AGBL4: variants seen among roughly 807,000 people sequenced by gnomAD.
AGBL4 encodes the protein AGBL carboxypeptidase 4, also known as cytosolic carboxypeptidase 6.
In AGBL4, 58 loss-of-function variants were observed where a neutral mutation model predicts 66.4. The ratio of observed to expected loss-of-function variants is 0.87; its 90% CI spans 0.71 to 1.09. The LOEUF is 1.09. Among genes scored for constraint, AGBL4 ranks in the 50% least tolerant of loss-of-function variants. The pLI is 0.00. For synonymous variants in AGBL4, 234 were observed against 222.9 expected, an observed-to-expected ratio of 1.05 and a Z score of -0.44; for missense variants, 579 against 631.0, an observed-to-expected ratio of 0.92 and a Z score of 0.88.
rs76447072 is a variant in AGBL4, at chr1:48,725,261, A to C, written c.635-62020T>G. The stretch of plus-strand genomic sequence containing the variant: ...ATGACTTTAACTGATATTTTTCGAA[A>C]GTGACATCTGTGTTAAAATACACAT... On this transcript the variant is annotated intron_variant, in intron 6 of 13. Transcript: ENST00000371839. Among the ~76,000 whole-genome samples the C allele has an allele frequency of 4.9e-3, 742 of 152,274 alleles. 8 individuals carry two copies. Among genetic ancestry groups the C allele is most frequent in the African/African-American group, 0.016 (680 of 41,544 alleles).
At chr1:49,371,857 GT>G (rs1644353362) in intron 3 of AGBL4, among the ~76,000 whole-genome samples, 1 of 146,904 alleles carries the variant, frequency 6.8e-6, no homozygotes, top group Non-Finnish European at 1.5e-5. Context: ...GTGTGTGTGT[GT>G]GTGTGTGTGT....
chr1:49,232,532 A>C (rs1356138519), intron 4 of AGBL4, among the ~76,000 whole-genome samples: 3 of 151,988 alleles, frequency 2.0e-5, no homozygotes, highest in Non-Finnish European at 4.4e-5. Context: ...CCCTGTCTCT[A>C]CTAAAAATAC....
chr1:48,879,643 G>A (rs1306570150), intron 5 of AGBL4, among the ~76,000 whole-genome samples: 2 of 152,076 alleles, frequency 1.3e-5, no homozygotes, highest in Non-Finnish European at 2.9e-5. Context: ...AAATTTTAGT[G>A]AACATCTACT....
At chr1:49,720,090 A>C (rs1188992088) in intron 2 of AGBL4, among the ~76,000 whole-genome samples, 2 of 152,100 alleles carry the variant, frequency 1.3e-5, no homozygotes, top group African/African-American at 4.8e-5. Context: ...ACACTCTCTA[A>C]GACTAAAACT....
chr1:49,482,816 T>C (rs996891481), intron 3 of AGBL4, among the ~76,000 whole-genome samples: 2 of 152,128 alleles, frequency 1.3e-5, no homozygotes, highest in Non-Finnish European at 2.9e-5. Flanking sequence ...TTGTGGTATG[T>C]TGTATCTTTG....
intron 5 of AGBL4, among the ~76,000 whole-genome samples, chr1:49,007,953 G>T (rs1253192627): frequency 1.3e-5 from 2 of 151,880 alleles, no homozygotes; most frequent in Admixed American, 6.6e-5. Context: ...TCAAGACTAG[G>T]AAGAAACTGC....
chr1:49,906,887 C>A (rs1479039772), intron 1 of AGBL4, among the ~76,000 whole-genome samples: 1 of 151,988 alleles, frequency 6.6e-6, no homozygotes, highest in African/African-American at 2.4e-5. Context: ...AAATTCTGGT[C>A]TTGGAATTTC....
At chr1:49,552,656 G>A (rs1022015311) in intron 3 of AGBL4, among the ~76,000 whole-genome samples, 2 of 152,210 alleles carry the variant, frequency 1.3e-5, no homozygotes, top group Non-Finnish European at 2.9e-5. Context: ...TATTTGGGGT[G>A]TCTTCTGGGT....
At chr1:49,270,060 T>C (rs1570290811) in intron 3 of AGBL4, among the ~76,000 whole-genome samples, 2 of 152,198 alleles carry the variant, frequency 1.3e-5, no homozygotes, top group African/African-American at 4.8e-5. Flanking sequence ...AAAAAATCAC[T>C]GTCTCTTTTT....
chr1:50,001,684 G>A (rs1660769387), intron 1 of AGBL4, among the ~76,000 whole-genome samples: 1 of 152,146 alleles, frequency 6.6e-6, no homozygotes, highest in African/African-American at 2.4e-5. Context: ...TTTGTCCCCT[G>A]CTAAAGGTGG....
rs1647092184 is a variant in AGBL4, at chr1:49,190,292, A to G, written c.377+55478T>C. On this transcript the variant is annotated intron_variant, in intron 4 of 13. Transcript: ENST00000371839. ...AAATGCAGGTCTCACAAAATAATCTATAGCTCCCTTGTCTCCTCAGGGCCT... is the reference window on the plus strand; with the variant it reads ...AAATGCAGGTCTCACAAAATAATCTGTAGCTCCCTTGTCTCCTCAGGGCCT... Among the ~76,000 whole-genome samples, 3 of 152,176 alleles carry G rather than the reference A, an allele frequency of 2.0e-5. No homozygotes were observed. The South Asian group carries it at 6.2e-4, about 32-fold the overall frequency.
intron 6 of AGBL4, among the ~76,000 whole-genome samples, chr1:48,792,019 C>A (rs898922309): frequency 6.6e-6 from 1 of 152,168 alleles, no homozygotes; most frequent in Non-Finnish European, 1.5e-5. Context: ...TCCTAACCCC[C>A]AGAATTTGTT....
chr1:48,543,010 T>C (rs1644099427), intron 11 of AGBL4, among the ~76,000 whole-genome samples: 1 of 152,184 alleles, frequency 6.6e-6, no homozygotes, highest in Non-Finnish European at 1.5e-5. Flanking sequence ...TCAGAGAAGA[T>C]AAGGGATTTC....
intron 6 of AGBL4, among the ~76,000 whole-genome samples, chr1:48,692,169 A>C (rs1646643037): frequency 6.6e-6 from 1 of 152,224 alleles, no homozygotes; most frequent in African/African-American, 2.4e-5. Flanking sequence ...GGAAGTAGAG[A>C]TACAGGGGGA....
chr1:48,859,943 T>G (rs1647335592), intron 6 of AGBL4, among the ~76,000 whole-genome samples: 1 of 152,224 alleles, frequency 6.6e-6, no homozygotes, highest in South Asian at 2.1e-4. Context: ...AGAATGCTTT[T>G]TAGCCATATA....
intron 1 of AGBL4, among the ~76,000 whole-genome samples, chr1:49,874,755 G>A (rs969683668): frequency 6.6e-6 from 1 of 151,718 alleles, no homozygotes; most frequent in African/African-American, 2.4e-5. Flanking sequence ...ATAAGAAAAT[G>A]GTTCATGTAC....
chr1:49,276,804 G>A (rs1644176848), intron 3 of AGBL4, among the ~76,000 whole-genome samples: 1 of 152,140 alleles, frequency 6.6e-6, no homozygotes, highest in Admixed American at 6.6e-5. Flanking sequence ...CCTCAAGGTG[G>A]TTTATAAGGT....
intron 1 of AGBL4, among the ~76,000 whole-genome samples, chr1:49,879,635 TG>T (rs1364041317): frequency 2.0e-5 from 3 of 147,070 alleles, no homozygotes; most frequent in African/African-American, 7.7e-5. Flanking sequence ...GACAATTATG[TG>T]TCTTGGAGTT....
chr1:49,526,009 G>A (rs1434663572), intron 3 of AGBL4, among the ~76,000 whole-genome samples: 2 of 151,754 alleles, frequency 1.3e-5, no homozygotes, highest in African/African-American at 2.4e-5. Context: ...GGAGAATGGC[G>A]TGAACCCTGG....
Sources: allele counts gnomAD v4.1 joint callset (sites outside exome capture counted in the v4.1 genomes callset), GRCh38; gene constraint gnomAD v4.1.1; transcripts MANE v1.5; gene names NCBI Gene and HGNC (gene_info 2026-07-23, HGNC 2026-07-21).